The following PDE2A variants were observed in gnomAD, a reference collection of about 807,000 sequenced individuals.
The protein encoded by PDE2A is cGMP-dependent 3',5'-cyclic phosphodiesterase.
A neutral mutation model predicts 133.6 loss-of-function variants in PDE2A; 53 were observed. That is an observed-to-expected ratio of 0.40 (90% CI 0.32 to 0.50). The LOEUF is 0.50. PDE2A is among the 20% of genes least tolerant of loss of function. The pLI, the probability that PDE2A is intolerant of heterozygous loss-of-function variation, is 0.73. For synonymous variants in PDE2A, 491 were observed against 490.2 expected, an observed-to-expected ratio of 1.00 and a Z score of -0.02; for missense variants, 796 against 1,232.4, an observed-to-expected ratio of 0.65 and a Z score of 5.30.
At position 72,576,468 on chromosome 11, in the gene PDE2A, C is replaced by T; in HGVS notation, c.*916G>A. The T allele has an allele frequency of 6.4e-6, 1 of 156,338 alleles. No homozygotes were observed. The allele number at this position is 156,338 out of a possible 1,614,324, so 9.7% of individuals were successfully genotyped here. On this transcript the variant is annotated 3_prime_UTR_variant, in exon 31 of 31. Transcript: ENST00000334456. ...TGCAGGAATGGGTAAGGGGCTCAGGCCAAGGGGAACACTCAGGGGGCCTCT... is the reference window on the plus strand; with the variant it reads ...TGCAGGAATGGGTAAGGGGCTCAGGTCAAGGGGAACACTCAGGGGGCCTCT...
chr11:72,577,598 CG>C lies in PDE2A; in HGVS notation c.2616-5del. 1 of 1,541,294 alleles carries C rather than the reference CG, an allele frequency of 6.5e-7. No homozygotes were observed. The highest frequency in any genetic ancestry group is 1.1e-5 in the South Asian group (1 of 89,160). ...GGGGAACAGGTCCTGCAACAGCCTG[CG>C]GGTGCATGGGGGGCAGAGGGCGAGA... On this transcript the variant is annotated splice_polypyrimidine_tract_variant and splice_region_variant and intron_variant, in intron 30 of 30. Transcript: ENST00000334456.
chr11:72,591,457 C>G, intron 6 of PDE2A, 101 bp from the exon 7 acceptor site: 1 of 825,576 alleles, frequency 1.2e-6, no homozygotes, highest in East Asian at 2.4e-5. Context: ...CCCACCAACA[C>G]ATACACACTC....
chr11:72,610,218 T>A (rs570083903), intron 2 of PDE2A, among the ~76,000 whole-genome samples: 1 of 152,250 alleles, frequency 6.6e-6, no homozygotes, highest in Non-Finnish European at 1.5e-5. Flanking sequence ...CTGAACTCTG[T>A]GGCCCCATGG....
intron 22 of PDE2A, 69 bp downstream of exon 22, chr11:72,581,808 G>T: frequency 1.4e-6 from 2 of 1,391,882 alleles, no homozygotes; most frequent in Non-Finnish European, 2.0e-6. Flanking sequence ...CCAGAATGCC[G>T]GGGGCAACGG....
intron 2 of PDE2A, among the ~76,000 whole-genome samples, chr11:72,617,612 G>C (rs1857538527): frequency 6.6e-6 from 1 of 152,346 alleles, no homozygotes; most frequent in Admixed American, 6.5e-5. Context: ...AAACCCCAGG[G>C]GGAGGGGGAA....
chr11:72,629,987 T>TTCTC (rs758404887), intron 2 of PDE2A, among the ~76,000 whole-genome samples: 3 of 151,124 alleles, frequency 2.0e-5, no homozygotes, highest in African/African-American at 7.3e-5. Flanking sequence ...GTGGGTCCAG[T>TTCTC]TCTCTCTCTC....
rs559454644 is a variant in PDE2A, at chr11:72,642,178, T to G, written c.144+76A>C. 2.2e-6 allele frequency: 3 copies of G among 1,365,988 alleles called. No individual in the cohort carries two copies. In the African/African-American group the frequency reaches 4.6e-5, roughly 21 times the overall value. The allele number at this position is 1,365,988 out of a possible 1,614,324, so 84.6% of individuals were successfully genotyped here. Reference sequence around the variant, plus strand: ...GAGGGGTCTCCTCCCTGAGAAGGGTTCGGGGGCGGGCAGACCCGGCCCGGC... The same window carrying G: ...GAGGGGTCTCCTCCCTGAGAAGGGTGCGGGGGCGGGCAGACCCGGCCCGGC... On this transcript the variant is annotated intron_variant, in intron 2 of 30. Transcript: ENST00000334456.
At chr11:72,650,599 C>G (rs552919077) in intron 1 of PDE2A, among the ~76,000 whole-genome samples, 1 of 152,174 alleles carries the variant, frequency 6.6e-6, no homozygotes, top group Non-Finnish European at 1.5e-5. Flanking sequence ...CACCTCCTAC[C>G]GTCCAGGCTG....
At chr11:72,629,268 A>C (rs982557333) in intron 2 of PDE2A, among the ~76,000 whole-genome samples, 1 of 152,226 alleles carries the variant, frequency 6.6e-6, no homozygotes, top group Non-Finnish European at 1.5e-5. Flanking sequence ...GGGCAGGCAG[A>C]TGGCCTAGGC....
intron 2 of PDE2A, among the ~76,000 whole-genome samples, chr11:72,629,137 C>T (rs897909183): frequency 6.6e-6 from 1 of 152,228 alleles, no homozygotes; most frequent in African/African-American, 2.4e-5. Context: ...GCAGCAGGAC[C>T]CAGCTCAAGG....
chr11:72,591,623 G>T (rs1213145608), intron 6 of PDE2A, among the ~76,000 whole-genome samples: 1 of 152,186 alleles, frequency 6.6e-6, no homozygotes, highest in African/African-American at 2.4e-5. Context: ...GCACAGTCCG[G>T]GTGTATGGTT....
At chr11:72,584,167 T>TCACCCCCCCCCCCCCCCCC in intron 19 of PDE2A, 34 bp downstream of exon 19, 1 of 554,888 alleles carries the variant, frequency 1.8e-6, no homozygotes, top group Non-Finnish European at 3.4e-6. Flanking sequence ...CCGCCCCCTA[T>TCACCCCCCCCCCCCCCCCC]CACCCCACAC....
rs1591043121 is a variant in PDE2A at position 72,596,649 on chromosome 11, C to A, written c.434-1G>T. 1.4e-6 allele frequency: 2 copies of A among 1,476,868 alleles called. No individual in the cohort carries two copies. Among genetic ancestry groups the A allele is most frequent in the South Asian group, 1.4e-5 (1 of 70,044 alleles). 91.5% of individuals were successfully genotyped at this position (1,476,868 alleles called of 1,614,324 possible). A position where few individuals can be genotyped will look rare whatever the true frequency, so the allele number is the denominator to read the frequency against. On this transcript the variant is annotated splice_acceptor_variant, in intron 5 of 30. Coordinates refer to ENST00000334456, the MANE Select transcript of PDE2A (RefSeq NM_002599.5). LOFTEE classifies it high-confidence loss of function. ...TTGTCCGCTAGCGGCATGACCAGCA[C>A]TGAGGGGGAGAGGGCAATGAGGTGC...
At chr11:72,591,451 C>A (rs1856244974) in intron 6 of PDE2A, 95 bp from the exon 7 acceptor site, 4 of 862,152 alleles carry the variant, frequency 4.6e-6, no homozygotes, top group Middle Eastern at 2.2e-4. Context: ...CTGGTCCCCA[C>A]CAACACATAC....
chr11:72,661,073 G>A (rs1269272930), intron 1 of PDE2A, among the ~76,000 whole-genome samples: 1 of 152,138 alleles, frequency 6.6e-6, no homozygotes, highest in African/African-American at 2.4e-5. Context: ...GGGAGGCCGA[G>A]GCAGGAGGAT....
At position 72,584,675 on chromosome 11, in the gene PDE2A, G is replaced by T; in HGVS notation, c.1413C>A (p.Thr471=). 3 of 1,613,394 alleles carry T rather than the reference G, an allele frequency of 1.9e-6. No individual in the cohort carries two copies. Among genetic ancestry groups the T allele is most frequent in the Non-Finnish European group, 2.5e-6 (3 of 1,180,018 alleles). Residue 471 remains threonine, a synonymous_variant, in exon 18 of 31, where the codon ACC becomes ACA. Transcript: ENST00000334456. The part of the protein sequence containing the change: ...ADQGIAGHVA[T]TGQILNIPDA... The stretch of plus-strand genomic sequence containing the variant: ...CAGGGATGTTCAGGATCTGGCCCGT[G>T]GTCGCCACGTGTCCCGCGATGCCCT...
At chr11:72,586,292 T>C (rs1475799891) in intron 13 of PDE2A, 111 bp from the exon 14 acceptor site, 3 of 702,674 alleles carry the variant, frequency 4.3e-6, no homozygotes, top group Admixed American at 2.1e-5. Context: ...CTGCCAACTA[T>C]ATAACCACTG....
chr11:72,591,439 C>T, intron 6 of PDE2A, 83 bp from the exon 7 acceptor site: 1 of 969,200 alleles, frequency 1.0e-6, no homozygotes, highest in Non-Finnish European at 1.7e-6. Flanking sequence ...GCGCAGCACA[C>T]ACTGGTCCCC....
intron 1 of PDE2A, among the ~76,000 whole-genome samples, chr11:72,654,389 A>G (rs1854833663): frequency 6.6e-6 from 1 of 152,182 alleles, no homozygotes; most frequent in Non-Finnish European, 1.5e-5. Flanking sequence ...AGGTGCCTGA[A>G]CTGGGGCTCA....
Sources: gnomAD v4.1 joint callset for allele counts (sites outside exome capture counted in the v4.1 genomes callset) on GRCh38, gnomAD v4.1.1 for gene constraint, MANE v1.5 for transcripts, NCBI Gene and HGNC (gene_info 2026-07-23, HGNC 2026-07-21) for gene names.